Variants in PDCD11 observed in about 807,000 individuals in gnomAD.
PDCD11 encodes the protein programmed cell death 11.
Under a neutral mutation model 198.9 loss-of-function variants are expected in PDCD11, and 97 were observed. The observed-to-expected ratio is 0.49, with a 90% confidence interval of 0.41 to 0.58. The LOEUF (loss-of-function observed/expected upper bound fraction) is 0.58. Among genes scored for constraint, PDCD11 ranks in the 20% least tolerant of loss-of-function variants. The pLI is 0.00. For missense variants in PDCD11, 2,102 were observed against 2,312.7 expected (o/e 0.91, Z 1.87); for synonymous variants, 893 against 918.0 (o/e 0.97, Z 0.49).
At chr10:103,419,180 G>C (rs1344674322) in intron 15 of PDCD11, among the ~76,000 whole-genome samples, 1 of 152,162 alleles carries the variant, frequency 6.6e-6, no homozygotes. Context: ...TGTGATGGCT[G>C]ATCCAGCTGC....
chr10:103,413,921 G>T, intron 9 of PDCD11, 45 bp from the exon 10 acceptor site: 2 of 1,563,068 alleles, frequency 1.3e-6, no homozygotes, highest in South Asian at 2.4e-5. Flanking sequence ...CATTGGCTCA[G>T]ACCTGTTGTC....
intron 6 of PDCD11, 149 bp from the exon 7 acceptor site, chr10:103,406,460 T>C (rs1470889864): frequency 4.6e-6 from 3 of 657,714 alleles, no homozygotes; most frequent in Non-Finnish European, 7.8e-6. Context: ...CTTCTTGTAG[T>C]TGGCCCCTTA....
chr10:103,424,077 G>A (rs2031577988), intron 19 of PDCD11, among the ~76,000 whole-genome samples: 1 of 152,106 alleles, frequency 6.6e-6, no homozygotes, highest in Admixed American at 6.6e-5. Context: ...GGCAGAATTT[G>A]GATTTTTATT....
chr10:103,443,141 A>G, intron 32 of PDCD11, 24 bp from the exon 33 acceptor site: 3 of 1,551,860 alleles, frequency 1.9e-6, no homozygotes, highest in Non-Finnish European at 2.6e-6. Flanking sequence ...TGTGGCGCTC[A>G]TGTGCTGACT....
chr10:103,440,903 G>C lies in PDCD11; in HGVS notation c.4557+53G>C, dbSNP rs545418257. On this transcript the variant is annotated intron_variant, in intron 30 of 35. Coordinates refer to ENST00000369797, the MANE Select transcript of PDCD11 (RefSeq NM_014976.2). ...GGCTGCTCCAGGCAAGGGAAGAGCT[G>C]GGCCATCCTCTGCCTCATCCTCTTT... is the stretch of plus-strand genomic sequence containing the variant. 53 of 1,270,908 alleles carry C rather than the reference G, an allele frequency of 4.2e-5. No individual in the cohort carries two copies. In the African/African-American group the frequency reaches 7.4e-4, roughly 18 times the overall value. 78.7% of individuals were successfully genotyped at this position (1,270,908 alleles called of 1,614,324 possible). A position where few individuals can be genotyped will look rare whatever the true frequency, so the allele number is the denominator to read the frequency against.
In PDCD11 at chr10:103,413,313, C is replaced by T. The variant is rs1237219854; in HGVS notation, c.1176C>T (p.Ala392=). The T allele has an allele frequency of 2.0e-5, 33 of 1,613,812 alleles. No individual in the cohort carries two copies. Among genetic ancestry groups the T allele is most frequent in the Non-Finnish European group, 2.8e-5 (33 of 1,179,844 alleles). The change falls in exon 9 of 36, where the codon GCC becomes GCT. Residue 392 remains alanine, a synonymous_variant. Coordinates refer to ENST00000369797, the MANE Select transcript of PDCD11 (RefSeq NM_014976.2). ...ATFRLKDGVL[A]YARLSHLSDS... Reference sequence around the variant, plus strand: ...TTAGGCTGAAGGATGGGGTTCTGGCCTATGCCCGGGTAAGGAGGCCTCTTT... The same window carrying T: ...TTAGGCTGAAGGATGGGGTTCTGGCTTATGCCCGGGTAAGGAGGCCTCTTT...
intron 12 of PDCD11, among the ~76,000 whole-genome samples, chr10:103,415,394 G>T (rs1197492321): frequency 6.6e-6 from 1 of 152,210 alleles, no homozygotes; most frequent in Non-Finnish European, 1.5e-5. Flanking sequence ...GCTTGGTGCA[G>T]GTTGTGTGCT....
intron 14 of PDCD11, 144 bp from the exon 15 acceptor site, chr10:103,418,296 G>A: frequency 1.5e-6 from 1 of 662,544 alleles, no homozygotes; most frequent in South Asian, 1.9e-5. Flanking sequence ...TGGGTGGTTG[G>A]GGTGGTGGGT....
intron 3 of PDCD11, 96 bp from the exon 4 acceptor site, chr10:103,403,022 T>G: frequency 8.3e-7 from 1 of 1,197,962 alleles, no homozygotes; most frequent in Non-Finnish European, 1.2e-6. Context: ...GTGCTTGGCC[T>G]TATAGCTTTT....
intron 26 of PDCD11, 78 bp from the exon 27 acceptor site, chr10:103,438,608 T>C (rs1182991127): frequency 6.4e-7 from 1 of 1,566,248 alleles, no homozygotes; most frequent in East Asian, 2.2e-5. Flanking sequence ...TTACTAAGTA[T>C]GATGGTTGCA....
chr10:103,406,826 A>G, intron 7 of PDCD11, 36 bp downstream of exon 7: 1 of 1,501,676 alleles, frequency 6.7e-7, no homozygotes, highest in Non-Finnish European at 9.1e-7. Context: ...TTTAAAATAA[A>G]AATAATTCTT....
In PDCD11 at chr10:103,409,611, T is replaced by G. The variant is rs905787200; in HGVS notation, c.871-88T>G. On this transcript the variant is annotated intron_variant, in intron 7 of 35. Transcript: ENST00000369797. ...GAGAGATACACAGTTAGGGATACTA[T>G]GGCATTGAGTGTTTACTGTGAGCAA... The G allele has an allele frequency of 1.4e-4, 113 of 825,106 alleles. No homozygotes were observed. The African/African-American group carries it at 1.5e-3, about 11-fold the overall frequency. 51.1% of individuals were successfully genotyped at this position (825,106 alleles called of 1,614,324 possible). A position where few individuals can be genotyped will look rare whatever the true frequency, so the allele number is the denominator to read the frequency against.
chr10:103,426,552 T>A (rs1241257808), intron 20 of PDCD11, among the ~76,000 whole-genome samples: 1 of 152,100 alleles, frequency 6.6e-6, no homozygotes, highest in South Asian at 2.1e-4. Flanking sequence ...CCAGCACTTT[T>A]GGGAGGCTGA....
intron 14 of PDCD11, among the ~76,000 whole-genome samples, 179 bp from the exon 15 acceptor site, chr10:103,418,261 G>A (rs996661849): frequency 6.6e-6 from 1 of 152,176 alleles, no homozygotes; most frequent in Non-Finnish European, 1.5e-5. Context: ...CATGAGTCCT[G>A]GTGAATGTGC....
chr10:103,445,064 C>G (rs543362361), intron 35 of PDCD11, among the ~76,000 whole-genome samples: 1 of 152,308 alleles, frequency 6.6e-6, no homozygotes, highest in East Asian at 1.9e-4. Context: ...CACCCAAGCC[C>G]TTCACTATGT....
chr10:103,430,816 TA>T (rs67692809), intron 21 of PDCD11, among the ~76,000 whole-genome samples: 6 of 150,760 alleles, frequency 4.0e-5, no homozygotes, highest in Admixed American at 6.6e-5. Flanking sequence ...TTTTTTTTTT[TA>T]AATGGAGTTT....
At chr10:103,442,714 G>A (rs2133755588) in intron 32 of PDCD11, among the ~76,000 whole-genome samples, 1 of 152,318 alleles carries the variant, frequency 6.6e-6, no homozygotes, top group South Asian at 2.1e-4. Flanking sequence ...TTATATGAGG[G>A]AACCAGTTTG....
At chr10:103,398,578 T>C in intron 2 of PDCD11, 50 bp downstream of exon 2, 1 of 1,195,708 alleles carries the variant, frequency 8.4e-7, no homozygotes, top group Non-Finnish European at 1.2e-6. Flanking sequence ...TTTACTGTAG[T>C]GTCTTGTGAA....
chr10:103,444,697 T>C lies in PDCD11; in HGVS notation c.5444+15T>C, dbSNP rs942900. ...AAGGACGTCCGGTGAGTGGGGCAGC[T>C]GGCCAAGGCCGAGTTCCTCAGGAGA... On this transcript the variant is annotated intron_variant, in intron 35 of 35. Transcript: ENST00000369797. 635,562 of 1,611,076 alleles carry C rather than the reference T, an allele frequency of 0.39. 126,973 individuals are homozygous for C. Among genetic ancestry groups the C allele is most frequent in the South Asian group, 0.51 (46,600 of 91,014 alleles).
Sources: allele counts gnomAD v4.1 joint callset (sites outside exome capture counted in the v4.1 genomes callset), GRCh38; gene constraint gnomAD v4.1.1; transcripts MANE v1.5; gene names NCBI Gene and HGNC (gene_info 2026-07-23, HGNC 2026-07-21).